MACROD2: variants seen among roughly 807,000 people sequenced by gnomAD.
The protein encoded by MACROD2 is ADP-ribose glycohydrolase MACROD2.
Under a neutral mutation model 70.4 loss-of-function variants are expected in MACROD2, and 36 were observed. The observed-to-expected ratio is 0.51, with a 90% CI of 0.39 to 0.68. MACROD2 has a LOEUF of 0.68. MACROD2 is among the 30% of genes least tolerant of loss of function. The pLI, the probability that MACROD2 is intolerant of heterozygous loss-of-function variation, is 0.00. For missense variants in MACROD2, 496 were observed against 538.4 expected, an observed-to-expected ratio of 0.92 and a Z score of 0.78; for synonymous variants, 172 against 178.8, an observed-to-expected ratio of 0.96 and a Z score of 0.30.
intron 5 of MACROD2, among the ~76,000 whole-genome samples, chr20:14,700,517 ATGG>A (rs1389954575): frequency 7.5e-6 from 1 of 133,234 alleles, no homozygotes; most frequent in Admixed American, 8.3e-5. Context: ...GTTAAGACAT[ATGG>A]TGGTGTGTGT....
At chr20:14,120,199 G>T (rs1415143625) in intron 3 of MACROD2, among the ~76,000 whole-genome samples, 5 of 114,442 alleles carry the variant, frequency 4.4e-5, no homozygotes, top group African/African-American at 1.7e-4. Flanking sequence ...GGTGACAAGA[G>T]TGAGACTCCG....
chr20:14,981,434 A>ATATG (rs1555859717), intron 5 of MACROD2, among the ~76,000 whole-genome samples: 21 of 52,144 alleles, frequency 4.0e-4, no homozygotes, highest in Non-Finnish European at 5.7e-4. Context: ...ATGTATATGT[A>ATATG]TATATATATA....
intron 2 of MACROD2, among the ~76,000 whole-genome samples, chr20:14,002,800 G>T (rs1417611096): frequency 6.6e-6 from 1 of 151,968 alleles, no homozygotes; most frequent in African/African-American, 2.4e-5. Flanking sequence ...GAAAGAGAGA[G>T]TATATTAGGA....
chr20:14,389,511 G>A (rs1319232395), intron 3 of MACROD2, among the ~76,000 whole-genome samples: 1 of 151,246 alleles, frequency 6.6e-6, no homozygotes, highest in Non-Finnish European at 1.5e-5. Context: ...TTACCATGAC[G>A]TGCAAATTAT....
chr20:15,454,954 A>G (rs1476297951), intron 7 of MACROD2, among the ~76,000 whole-genome samples: 2 of 152,124 alleles, frequency 1.3e-5, no homozygotes, highest in African/African-American at 2.4e-5. Context: ...TGTTTGGTGT[A>G]TATTAACCCC....
At chr20:14,283,940 G>C (rs1390948881) in intron 3 of MACROD2, among the ~76,000 whole-genome samples, 3 of 152,160 alleles carry the variant, frequency 2.0e-5, no homozygotes, top group African/African-American at 7.2e-5. Context: ...CATAGGCCCA[G>C]GTTGGAAATG....
intron 15 of MACROD2, among the ~76,000 whole-genome samples, chr20:15,992,096 T>C (rs930025049): frequency 1.3e-5 from 2 of 152,308 alleles, no homozygotes; most frequent in South Asian, 2.1e-4. Context: ...TCTTGCACTT[T>C]GATTTCTTGC....
At chr20:15,458,267 G>A (rs150805596) in intron 7 of MACROD2, among the ~76,000 whole-genome samples, 49 of 152,196 alleles carry the variant, frequency 3.2e-4, no homozygotes, top group African/African-American at 1.1e-3. Flanking sequence ...AAATCACATA[G>A]GAACCAACTC....
At chr20:15,318,807 C>T (rs1380836214) in intron 6 of MACROD2, among the ~76,000 whole-genome samples, 1 of 152,066 alleles carries the variant, frequency 6.6e-6, no homozygotes, top group African/African-American at 2.4e-5. Context: ...ATGGGAGAAA[C>T]TTTCTCAACA....
chr20:15,547,269 T>C (rs889146484), intron 8 of MACROD2, among the ~76,000 whole-genome samples: 2 of 152,192 alleles, frequency 1.3e-5, no homozygotes, highest in Non-Finnish European at 2.9e-5. Context: ...AAATTTCCAC[T>C]GTCAAAATAT....
chr20:14,607,061 A>G (rs185263146), intron 4 of MACROD2, among the ~76,000 whole-genome samples: 1 of 152,144 alleles, frequency 6.6e-6, no homozygotes, highest in East Asian at 1.9e-4. Flanking sequence ...ACCATATCTT[A>G]ATGTCATCTT....
intron 6 of MACROD2, among the ~76,000 whole-genome samples, chr20:15,337,862 G>A (rs558440788): frequency 6.6e-6 from 1 of 151,714 alleles, no homozygotes; most frequent in African/African-American, 2.4e-5. Context: ...AGGCCATTAG[G>A]GCTGTTTAAG....
At chr20:14,790,865 T>A (rs2072442319) in intron 5 of MACROD2, among the ~76,000 whole-genome samples, 2 of 152,062 alleles carry the variant, frequency 1.3e-5, no homozygotes. Flanking sequence ...TTCTCCTCTG[T>A]ACATTTCCTC....
chr20:14,159,485 T>C (rs779908457), intron 3 of MACROD2, among the ~76,000 whole-genome samples: 3 of 152,214 alleles, frequency 2.0e-5, no homozygotes, highest in South Asian at 2.1e-4. Flanking sequence ...TTTGTGGCTA[T>C]TGTAAATGAG....
At position 14,708,483 on chromosome 20, in the gene MACROD2, T is replaced by C. The variant is rs191972952; in HGVS notation, c.418+23524T>C. 1.2e-4 allele frequency among the ~76,000 whole-genome samples: 19 copies of C among 152,336 alleles called. No homozygotes were observed. The East Asian group carries it at 1.5e-3, about 12-fold the overall frequency. On this transcript the variant is annotated intron_variant, in intron 5 of 17. Coordinates refer to ENST00000684519, the MANE Select transcript of MACROD2 (RefSeq NM_001351661.2). Reference sequence around the variant, plus strand: ...TGATTCTTGACAACTCTCTACTTGCTGTTACAAATAAGAACATGAAAGCAG... The same window carrying C: ...TGATTCTTGACAACTCTCTACTTGCCGTTACAAATAAGAACATGAAAGCAG...
intron 5 of MACROD2, among the ~76,000 whole-genome samples, chr20:15,154,536 A>G (rs1426663197): frequency 6.6e-6 from 1 of 152,214 alleles, no homozygotes; most frequent in East Asian, 1.9e-4. Flanking sequence ...TATAAACAAC[A>G]GGCATTTATT....
intron 3 of MACROD2, among the ~76,000 whole-genome samples, chr20:14,316,752 A>C (rs889319043): frequency 1.3e-5 from 2 of 152,170 alleles, no homozygotes; most frequent in African/African-American, 4.8e-5. Flanking sequence ...TTTAAGAAGA[A>C]ATCCATTATA....
chr20:15,470,000 C>T (rs2046943788), intron 7 of MACROD2, among the ~76,000 whole-genome samples: 1 of 152,128 alleles, frequency 6.6e-6, no homozygotes, highest in Non-Finnish European at 1.5e-5. Context: ...ATAGTTTGCC[C>T]ATATTTCTCA....
intron 5 of MACROD2, among the ~76,000 whole-genome samples, chr20:15,139,892 G>A (rs144987845): frequency 6.6e-6 from 1 of 152,158 alleles, no homozygotes; most frequent in Non-Finnish European, 1.5e-5. Context: ...CTGACCTTCT[G>A]GTGACCAGGG....
Sources: gnomAD v4.1 joint callset for allele counts (sites outside exome capture counted in the v4.1 genomes callset) on GRCh38, gnomAD v4.1.1 for gene constraint, MANE v1.5 for transcripts, NCBI Gene and HGNC (gene_info 2026-07-23, HGNC 2026-07-21) for gene names.